The following ARHGAP11A variants were observed in gnomAD, a reference collection of about 807,000 sequenced individuals.
The protein encoded by ARHGAP11A is rho GTPase-activating protein 11A.
A neutral mutation model predicts 60.5 loss-of-function variants in ARHGAP11A; 36 were observed. The ratio of observed to expected loss-of-function variants is 0.59; its 90% CI spans 0.46 to 0.79. The LOEUF (loss-of-function observed/expected upper bound fraction) is 0.79, where lower values mean the gene tolerates loss of function less well. Ranked by LOEUF, ARHGAP11A falls within the 30% of genes least tolerant of loss-of-function variation. ARHGAP11A has a pLI of 0.00. For missense variants in ARHGAP11A, 1,071 were observed against 1,199.2 expected, an observed-to-expected ratio of 0.89 and a Z score of 1.58; for synonymous variants, 362 against 415.5, an observed-to-expected ratio of 0.87 and a Z score of 1.57.
rs774357269 is a variant in ARHGAP11A at position 32,636,565 on chromosome 15, A to G, written c.1792A>G (p.Lys598Glu). ...ENNMTKETLVKVQKAFSESGS... is the reference protein window; with the variant it reads ...ENNMTKETLVEVQKAFSESGS... The stretch of plus-strand genomic sequence containing the variant: ...TAACATGACCAAAGAGACTTTGGTG[A>G]AAGTTCAAAAAGCGTTTTCTGAATC... The change falls in exon 12 of 12, where the codon AAA becomes GAA. Residue 598 changes from lysine (K) to glutamate (E), a missense_variant. Coordinates refer to ENST00000361627, the MANE Select transcript of ARHGAP11A (RefSeq NM_014783.6). 6.8e-5 allele frequency: 110 copies of G among 1,614,044 alleles called. 1 individual carries two copies. The East Asian group carries it at 2.3e-3, about 34-fold the overall frequency.
chr15:32,616,686 T>C (rs895020507), intron 1 of ARHGAP11A, among the ~76,000 whole-genome samples: 15 of 152,194 alleles, frequency 9.9e-5, no homozygotes, highest in African/African-American at 2.9e-4. Flanking sequence ...TGGTAGCATC[T>C]CTCAGTTGTG....
chr15:32,618,757 AACCC>A lies in ARHGAP11A; in HGVS notation c.130-1350_130-1347del, dbSNP rs1208259053. 1.4e-4 allele frequency among the ~76,000 whole-genome samples: 6 copies of A among 42,166 alleles called. No individual in the cohort carries two copies. The Admixed American group carries it at 1.5e-3, about 11-fold the overall frequency. The allele number at this position is 42,166 out of a possible 152,430, so 27.7% of individuals were successfully genotyped here. ...GAGACCATCCTAGCTAACACGGTGA[AACCC>A]CCCCCCCCCCGCCCCACGTCTCTAC... On this transcript the variant is annotated intron_variant, in intron 1 of 11. Coordinates refer to ENST00000361627, the MANE Select transcript of ARHGAP11A (RefSeq NM_014783.6).
intron 9 of ARHGAP11A, 61 bp from the exon 10 acceptor site, chr15:32,633,872 T>A: frequency 9.9e-7 from 1 of 1,010,986 alleles, no homozygotes; most frequent in Non-Finnish European, 1.5e-6. Flanking sequence ...AAATTTCGTA[T>A]TTCAAGTATT....
Position 32,632,979 on chromosome 15 carries a change from T to C in ARHGAP11A, c.1106T>C (p.Val369Ala). 1 of 1,611,358 alleles carries C rather than the reference T, an allele frequency of 6.2e-7. No individual in the cohort carries two copies. The highest frequency in any genetic ancestry group is 8.5e-7 in the Non-Finnish European group (1 of 1,178,754). Residue 369 changes from valine (V) to alanine (A), a missense_variant and splice_region_variant, in exon 9 of 12, where the codon GTT becomes GCT. Physicochemically the swap from Val to Ala is moderately conservative, Grantham distance 64. This residue lies in a region of ARHGAP11A where 776 missense variants were observed against 760.2 expected (regional missense o/e 1.02). Coordinates refer to ENST00000361627, the MANE Select transcript of ARHGAP11A (RefSeq NM_014783.6). ...ATATTACATGTGGTTATTTTTGTAGTTCACATCGATACAAGCTCAGAAGGG... is the reference window on the plus strand; with the variant it reads ...ATATTACATGTGGTTATTTTTGTAGCTCACATCGATACAAGCTCAGAAGGG... ...LFNSSSTPVS[V>A]HIDTSSEGSS...
In ARHGAP11A at chr15:32,623,555, A is replaced by C; in HGVS notation, c.264A>C (p.Lys88Asn). ...DHIHTEGLFRKSGSVIRLKAL... is the reference protein window; with the variant it reads ...DHIHTEGLFRNSGSVIRLKAL... ...TTCATACCGAAGGGCTTTTTCGGAA[A>C]TCAGGATCTGTGATTCGCCTAAAAG... The change falls in exon 3 of 12, where the codon AAA becomes AAC. Residue 88 changes from lysine (K) to asparagine (N), a missense_variant. Around this residue, in one of 4 missense-constraint regions of ARHGAP11A, gnomAD observed 71 missense variants for 142.4 expected, o/e 0.50. Coordinates refer to ENST00000361627, the MANE Select transcript of ARHGAP11A (RefSeq NM_014783.6). 6.2e-7 allele frequency: 1 copy of C among 1,614,176 alleles called. No individual in the cohort carries two copies. The highest frequency in any genetic ancestry group is 8.5e-7 in the Non-Finnish European group (1 of 1,180,024).
At position 32,637,843 on chromosome 15, in the gene ARHGAP11A, T is replaced by C. The variant is rs772321890; in HGVS notation, c.3070T>C (p.Ter1024GlnextTer28). The stretch of plus-strand genomic sequence containing the variant: ...ACCAACAAGTAAACCTGTAGATTTG[T>C]AATTGGTAAATGTTATACTTGTCAT... ...LLPTSKPVDL[*>Q] is the part of the protein sequence containing the mutation. The change falls in exon 12 of 12, where the codon TAA becomes CAA. Residue 1024 changes from the stop codon to glutamine, a stop_lost. Coordinates refer to ENST00000361627, the MANE Select transcript of ARHGAP11A (RefSeq NM_014783.6). 3.2e-6 allele frequency: 5 copies of C among 1,585,472 alleles called. No homozygotes were observed. The highest frequency in any genetic ancestry group is 3.4e-6 in the Non-Finnish European group (4 of 1,168,564).
rs1567063764 is a variant in ARHGAP11A at position 32,639,557 on chromosome 15, T to A, written c.*1712T>A. ...ATCAAGGGAAGGATGAAATGTTGAATTTGAAGACTAATTCAGTAAGAAGTC... is the reference window on the plus strand; with the variant it reads ...ATCAAGGGAAGGATGAAATGTTGAAATTGAAGACTAATTCAGTAAGAAGTC... On this transcript the variant is annotated 3_prime_UTR_variant, in exon 12 of 12. Coordinates refer to ENST00000361627, the MANE Select transcript of ARHGAP11A (RefSeq NM_014783.6). 6.6e-6 allele frequency: 1 copy of A among 152,224 alleles called. No homozygotes were observed. Among genetic ancestry groups the A allele is most frequent in the Non-Finnish European group, 1.5e-5 (1 of 68,036 alleles). 9.4% of individuals were successfully genotyped at this position (152,224 alleles called of 1,614,324 possible). A position where few individuals can be genotyped will look rare whatever the true frequency, so the allele number is the denominator to read the frequency against.
chr15:32,631,298 C>CT (rs36081568), intron 8 of ARHGAP11A, among the ~76,000 whole-genome samples: 2,640 of 143,386 alleles, frequency 0.018, 93 homozygotes, highest in African/African-American at 0.065. Context: ...ATAATTGTCT[C>CT]TTTTTTTTTT....
chr15:32,634,369 A>G (rs746060766), intron 10 of ARHGAP11A, among the ~76,000 whole-genome samples: 25 of 152,178 alleles, frequency 1.6e-4, no homozygotes, highest in African/African-American at 2.7e-4. Flanking sequence ...GAATATTTAC[A>G]TTATTTTTAC....
chr15:32,619,573 A>T (rs991618434), intron 1 of ARHGAP11A, among the ~76,000 whole-genome samples: 1 of 148,812 alleles, frequency 6.7e-6, no homozygotes, highest in Non-Finnish European at 1.5e-5. Flanking sequence ...TCTTCTATAG[A>T]AGGTGGAAAA....
chr15:32,621,116 G>C (rs1331216540), intron 2 of ARHGAP11A, among the ~76,000 whole-genome samples: 8 of 58,978 alleles, frequency 1.4e-4, no homozygotes, highest in Admixed American at 9.3e-4. Context: ...TAAGATATTA[G>C]AGTGTTTGTG....
At chr15:32,635,947 C>T (rs200592790) in intron 11 of ARHGAP11A, 32 bp downstream of exon 11, 43 of 1,545,788 alleles carry the variant, frequency 2.8e-5, no homozygotes, top group Non-Finnish European at 8.7e-6. Flanking sequence ...AGAGTTTTAC[C>T]TAAAAATCCT....
intron 2 of ARHGAP11A, among the ~76,000 whole-genome samples, chr15:32,620,743 C>A (rs1325031033): frequency 6.6e-6 from 1 of 151,966 alleles, no homozygotes; most frequent in African/African-American, 2.4e-5. Context: ...CTTACCAATT[C>A]AGTAATAATT....
intron 2 of ARHGAP11A, among the ~76,000 whole-genome samples, chr15:32,622,806 A>C (rs1466167156): frequency 6.6e-6 from 1 of 152,228 alleles, no homozygotes; most frequent in East Asian, 1.9e-4. Context: ...GAGGAAAAAA[A>C]AACCTCGCCC....
chr15:32,636,941 TAAAG>T lies in ARHGAP11A; in HGVS notation c.2172_2175del (p.Lys724AsnfsTer9), dbSNP rs768376712. On this transcript the variant is annotated frameshift_variant, in exon 12 of 12. Coordinates refer to ENST00000361627, the MANE Select transcript of ARHGAP11A (RefSeq NM_014783.6). LOFTEE classifies it low-confidence loss of function (END_TRUNC). ...CAAGAATTCTCCAGTGATGAAGAAA[TAAAG>T]AAACAGCAGTCCCCAAAGGATAAAC... The T allele has an allele frequency of 1.9e-6, 3 of 1,610,578 alleles. No homozygotes were observed. Among genetic ancestry groups the T allele is most frequent in the Non-Finnish European group, 2.5e-6 (3 of 1,179,128 alleles).
At chr15:32,619,562 C>T (rs958833747) in intron 1 of ARHGAP11A, among the ~76,000 whole-genome samples, 1 of 150,814 alleles carries the variant, frequency 6.6e-6, no homozygotes, top group South Asian at 2.1e-4. Flanking sequence ...TTGAAAAGCA[C>T]TCTTCTATAG....
chr15:32,616,395 T>C, intron 1 of ARHGAP11A, 55 bp downstream of exon 1: 1 of 1,610,684 alleles, frequency 6.2e-7, no homozygotes, highest in East Asian at 2.2e-5. Flanking sequence ...CCCTTTATCA[T>C]CACTTACTAC....
At chr15:32,635,413 A>G (rs1242939331) in intron 10 of ARHGAP11A, among the ~76,000 whole-genome samples, 1 of 152,192 alleles carries the variant, frequency 6.6e-6, no homozygotes, top group Non-Finnish European at 1.5e-5. Flanking sequence ...TCTTAAGTCT[A>G]AATTTCCCCA....
chr15:32,633,785 C>G (rs1343287460), intron 9 of ARHGAP11A, 148 bp from the exon 10 acceptor site: 11 of 579,540 alleles, frequency 1.9e-5, no homozygotes, highest in African/African-American at 1.6e-4. Context: ...TGTATGGTAT[C>G]TTAAAGTTGA....
Sources: gnomAD v4.1 joint callset for allele counts (sites outside exome capture counted in the v4.1 genomes callset) on GRCh38, gnomAD v4.1.1 for gene constraint, gnomAD v4.1.1 regional missense constraint, MANE v1.5 for transcripts, NCBI Gene and HGNC (gene_info 2026-07-23, HGNC 2026-07-21) for gene names.